The following CBFA2T3 variants were observed in gnomAD, a reference collection of about 807,000 sequenced individuals.
CBFA2T3 encodes the protein transcriptional corepressor CBFA2T3.
CBFA2T3 carries 31 observed loss-of-function variants against 58.6 expected under a neutral mutation model. The ratio of observed to expected loss-of-function variants is 0.53; its 90% CI spans 0.40 to 0.71. The LOEUF is 0.71. Ranked by LOEUF, CBFA2T3 falls within the 30% of genes least tolerant of loss-of-function variation. CBFA2T3 has a pLI of 0.00. For missense variants in CBFA2T3, 1,076 were observed against 963.1 expected, an observed-to-expected ratio of 1.12 and a Z score of -1.55; for synonymous variants, 531 against 421.9, an observed-to-expected ratio of 1.26 and a Z score of -3.17.
At chr16:88,919,519 C>A (rs1238993331) in intron 1 of CBFA2T3, among the ~76,000 whole-genome samples, 1 of 152,190 alleles carries the variant, frequency 6.6e-6, no homozygotes, top group Non-Finnish European at 1.5e-5. Flanking sequence ...CCCTACCGCC[C>A]GGTATTCACT....
intron 1 of CBFA2T3, among the ~76,000 whole-genome samples, chr16:88,903,388 G>A (rs1174051729): frequency 1.3e-5 from 2 of 152,190 alleles, no homozygotes; most frequent in East Asian, 1.9e-4. Flanking sequence ...CTGGGCCTGT[G>A]GGGAGTGGTG....
intron 1 of CBFA2T3, among the ~76,000 whole-genome samples, chr16:88,918,542 T>G (rs2142729006): frequency 6.6e-6 from 1 of 152,294 alleles, no homozygotes; most frequent in Admixed American, 6.5e-5. Context: ...GGCCCTGAGC[T>G]CCAAGCGTGC....
intron 1 of CBFA2T3, among the ~76,000 whole-genome samples, chr16:88,904,099 A>T (rs1251223215): frequency 1.3e-5 from 2 of 151,740 alleles, no homozygotes; most frequent in African/African-American, 4.9e-5. Context: ...CATGGCCACC[A>T]CCTGCGTGCT....
intron 1 of CBFA2T3, chr16:88,941,037 G>T (rs1474644918): frequency 2.0e-6 from 2 of 985,590 alleles, no homozygotes; most frequent in Non-Finnish European, 2.4e-6. Flanking sequence ...GGGTCCGGGG[G>T]ATCCGGCGGG....
At chr16:88,931,441 A>C (rs1325650077) in intron 1 of CBFA2T3, among the ~76,000 whole-genome samples, 1 of 152,138 alleles carries the variant, frequency 6.6e-6, no homozygotes, top group East Asian at 1.9e-4. Context: ...GTCTGTGGCA[A>C]GTGACAAGTG....
At chr16:88,939,891 C>G (rs1398133558) in intron 1 of CBFA2T3, 1 of 152,274 alleles carries the variant, frequency 6.6e-6, no homozygotes, top group East Asian at 1.9e-4. Context: ...GAAGTTTCCC[C>G]AACCTCTCAG....
chr16:88,878,183 C>T (rs973593712), intron 11 of CBFA2T3, among the ~76,000 whole-genome samples: 2 of 152,378 alleles, frequency 1.3e-5, no homozygotes, highest in African/African-American at 4.8e-5. Context: ...CCCCACTCCC[C>T]ACACACTTCC....
intron 1 of CBFA2T3, among the ~76,000 whole-genome samples, chr16:88,969,292 C>T (rs567092763): frequency 2.6e-5 from 4 of 152,342 alleles, no homozygotes; most frequent in African/African-American, 9.6e-5. Flanking sequence ...GACTTGGGAG[C>T]TCAGGAGGAA....
intron 1 of CBFA2T3, chr16:88,941,130 G>A: frequency 1.0e-6 from 1 of 983,948 alleles, no homozygotes; most frequent in Non-Finnish European, 1.2e-6. Flanking sequence ...CTCAGGGGCG[G>A]CTGCGCGCTG....
intron 1 of CBFA2T3, among the ~76,000 whole-genome samples, chr16:88,967,325 T>A (rs1434479465): frequency 6.6e-6 from 1 of 152,162 alleles, no homozygotes; most frequent in African/African-American, 2.4e-5. Flanking sequence ...AAATGAGAAT[T>A]CGATGCCTTT....
Position 88,879,396 on chromosome 16 carries a change from C to T in CBFA2T3, c.1536G>A (p.Ala512=), listed in dbSNP as rs766072570. Residue 512 remains alanine (A), a synonymous_variant, in exon 11 of 12, where the codon GCG becomes GCA. Coordinates refer to ENST00000268679, the MANE Select transcript of CBFA2T3 (RefSeq NM_005187.6). Reference sequence around the variant, plus strand: ...TGATGAGCTCGTGCGCTTTGCGCTCCGCGTCCGACACGGCTTTCTGCAGCT... The same window carrying T: ...TGATGAGCTCGTGCGCTTTGCGCTCTGCGTCCGACACGGCTTTCTGCAGCT... ...MSELQKAVSD[A]ERKAHELITT... 43 of 1,613,084 alleles carry T rather than the reference C, an allele frequency of 2.7e-5. No homozygotes were observed. The highest frequency in any genetic ancestry group is 3.3e-5 in the Admixed American group (2 of 60,010).
rs949180833 is a variant in CBFA2T3 at position 88,958,894 on chromosome 16, G to A, written c.151+17763C>T. Reference sequence around the variant, plus strand: ...AGTGGGACCCTGTACCGCCTCTGCCGCCCTTTTCCCTTTGCCTCCATGGAG... The same window carrying A: ...AGTGGGACCCTGTACCGCCTCTGCCACCCTTTTCCCTTTGCCTCCATGGAG... On this transcript the variant is annotated intron_variant, in intron 1 of 11. Transcript: ENST00000268679. The surrounding 1 kb of genome is among the most constrained non-coding windows in gnomAD (Gnocchi z 4.0). Among the ~76,000 whole-genome samples the A allele has an allele frequency of 6.6e-6, 1 of 152,146 alleles. No homozygotes were observed. The highest frequency in any genetic ancestry group is 2.4e-5 in the African/African-American group (1 of 41,418).
intron 1 of CBFA2T3, among the ~76,000 whole-genome samples, chr16:88,966,178 C>T (rs1191566323): frequency 1.3e-5 from 2 of 152,230 alleles, no homozygotes; most frequent in Admixed American, 6.5e-5. Context: ...TGCTCACTGG[C>T]CTGCACAGTC....
chr16:88,910,367 TCTC>T (rs1970493270), intron 1 of CBFA2T3, among the ~76,000 whole-genome samples: 1 of 152,154 alleles, frequency 6.6e-6, no homozygotes, highest in Admixed American at 6.5e-5. Flanking sequence ...CTCCTTCTCT[TCTC>T]TTGTGGATGC....
chr16:88,974,401 C>T (rs189267454), intron 1 of CBFA2T3, among the ~76,000 whole-genome samples: 1 of 152,028 alleles, frequency 6.6e-6, no homozygotes, highest in Non-Finnish European at 1.5e-5. Context: ...GGGGTCCCGG[C>T]CCCCAGACGG....
chr16:88,908,391 C>T (rs1392649363), intron 1 of CBFA2T3, among the ~76,000 whole-genome samples: 2 of 152,110 alleles, frequency 1.3e-5, no homozygotes, highest in Non-Finnish European at 2.9e-5. Context: ...CCCTGGAGGC[C>T]GCTCCCCGGG....
At chr16:88,888,298 T>A (rs1360213244) in intron 5 of CBFA2T3, among the ~76,000 whole-genome samples, 1 of 148,708 alleles carries the variant, frequency 6.7e-6, no homozygotes, top group Non-Finnish European at 1.5e-5. Context: ...GGGCTGTGGA[T>A]GTCTTGGGAA....
rs192736836 is a variant in CBFA2T3, at chr16:88,930,462, C to T, written c.152-28806G>A. On this transcript the variant is annotated intron_variant, in intron 1 of 11. Coordinates refer to ENST00000268679, the MANE Select transcript of CBFA2T3 (RefSeq NM_005187.6). Reference sequence around the variant, plus strand: ...GGGCAACAACCCACGCGTCCATCAACGGACACACAAAACGTGGTCTTTCTG... The same window carrying T: ...GGGCAACAACCCACGCGTCCATCAATGGACACACAAAACGTGGTCTTTCTG... Among the ~76,000 whole-genome samples, 25 of 152,200 alleles carry T rather than the reference C, an allele frequency of 1.6e-4. No homozygotes were observed. The East Asian group carries it at 3.9e-3, about 24-fold the overall frequency.
At chr16:88,969,472 C>G (rs1430137416) in intron 1 of CBFA2T3, among the ~76,000 whole-genome samples, 3 of 152,234 alleles carry the variant, frequency 2.0e-5, no homozygotes, top group Non-Finnish European at 4.4e-5. Flanking sequence ...GGAAGAGGGT[C>G]TTTCCTCACC....
Sources: allele counts gnomAD v4.1 joint callset (sites outside exome capture counted in the v4.1 genomes callset), GRCh38; gene constraint gnomAD v4.1.1; non-coding constraint Gnocchi (gnomAD v3.1); transcripts MANE v1.5; gene names NCBI Gene and HGNC (gene_info 2026-07-23, HGNC 2026-07-21).